The following GALNT13 variants were observed in gnomAD, a reference collection of about 807,000 sequenced individuals.
GALNT13 encodes the protein UDP-GalNAc:polypeptide N-acetylgalactosaminyltransferase 13.
GALNT13 carries 28 observed loss-of-function variants against 64.2 expected under a neutral mutation model. The observed-to-expected ratio is 0.44, with a 90% CI of 0.32 to 0.60. The LOEUF (loss-of-function observed/expected upper bound fraction) is 0.60. Among genes scored for constraint, GALNT13 ranks in the 20% least tolerant of loss-of-function variants. GALNT13 has a pLI of 0.05. For synonymous variants in GALNT13, 214 were observed against 224.6 expected, an observed-to-expected ratio of 0.95 and a Z score of 0.42; for missense variants, 577 against 669.8, an observed-to-expected ratio of 0.86 and a Z score of 1.53.
chr2:154,295,205 A>G (rs1292988130), intron 8 of GALNT13, among the ~76,000 whole-genome samples: 1 of 152,182 alleles, frequency 6.6e-6, no homozygotes, highest in Non-Finnish European at 1.5e-5. Flanking sequence ...GTCTGAATTT[A>G]GTGGAGTACA....
chr2:154,217,827 A>G (rs1297116192), intron 4 of GALNT13, among the ~76,000 whole-genome samples: 2 of 152,192 alleles, frequency 1.3e-5, no homozygotes, highest in Admixed American at 1.3e-4. Context: ...ACATATTTTA[A>G]GATGTATTTT....
chr2:154,263,781 G>A (rs1361571439), intron 8 of GALNT13, among the ~76,000 whole-genome samples: 1 of 152,102 alleles, frequency 6.6e-6, no homozygotes, highest in Non-Finnish European at 1.5e-5. Flanking sequence ...ATTTTTAAAA[G>A]TATGTATCAT....
At chr2:153,360,731 G>T in the GALNT13 span, among the ~76,000 whole-genome samples, 968 of 152,092 alleles carry the variant, frequency 6.4e-3, 7 homozygotes, top group African/African-American at 0.022. Context: ...CTGAACCTGA[G>T]CCCCTAGGGG....
At chr2:154,199,526 G>A (rs937263233) in intron 4 of GALNT13, among the ~76,000 whole-genome samples, 5 of 152,048 alleles carry the variant, frequency 3.3e-5, no homozygotes, top group African/African-American at 1.2e-4. Context: ...AAAAATGGTT[G>A]TGTTAATTTT....
At chr2:154,145,540 T>G (rs1683541009) in intron 4 of GALNT13, among the ~76,000 whole-genome samples, 2 of 151,964 alleles carry the variant, frequency 1.3e-5, no homozygotes, top group Non-Finnish European at 2.9e-5. Context: ...AAGGTTATAA[T>G]GCAGCTAGCA....
the GALNT13 span, among the ~76,000 whole-genome samples, chr2:153,721,945 C>G: frequency 2.7e-4 from 40 of 149,568 alleles, no homozygotes; most frequent in Non-Finnish European, 5.8e-4. Context: ...CTCAGCTCTG[C>G]ACCAAGCGGA....
At chr2:154,144,412 T>C (rs1683446840) in intron 4 of GALNT13, among the ~76,000 whole-genome samples, 1 of 152,150 alleles carries the variant, frequency 6.6e-6, no homozygotes, top group Admixed American at 6.5e-5. Context: ...TAATTATATC[T>C]TAAAAAGATA....
chr2:153,436,694 T>G, the GALNT13 span, among the ~76,000 whole-genome samples: 2 of 152,222 alleles, frequency 1.3e-5, no homozygotes, highest in Non-Finnish European at 2.9e-5. Flanking sequence ...TCATTTTTTA[T>G]TGCGTCTATT....
At chr2:153,750,276 C>T in the GALNT13 span, among the ~76,000 whole-genome samples, 5 of 151,396 alleles carry the variant, frequency 3.3e-5, no homozygotes, top group African/African-American at 7.3e-5. Flanking sequence ...AGATATTGGC[C>T]CATAGTTTTC....
At chr2:153,522,186 T>C in the GALNT13 span, among the ~76,000 whole-genome samples, 3 of 151,966 alleles carry the variant, frequency 2.0e-5, no homozygotes, top group South Asian at 6.2e-4. Context: ...TACAAAAAAT[T>C]AGTCAGGTGT....
chr2:153,399,182 T>C, the GALNT13 span, among the ~76,000 whole-genome samples: 1 of 145,972 alleles, frequency 6.9e-6, no homozygotes, highest in South Asian at 2.3e-4. Flanking sequence ...AAATAGGGAA[T>C]CCTTTCCCCA....
chr2:153,982,382 T>A (rs1045687078), intron 3 of GALNT13, among the ~76,000 whole-genome samples: 1 of 152,124 alleles, frequency 6.6e-6, no homozygotes, highest in African/African-American at 2.4e-5. Flanking sequence ...TATAAATGTA[T>A]ACAAAGCATT....
At chr2:153,436,431 G>C in the GALNT13 span, among the ~76,000 whole-genome samples, 1 of 152,164 alleles carries the variant, frequency 6.6e-6, no homozygotes, top group African/African-American at 2.4e-5. Flanking sequence ...ACCTCTGGTA[G>C]AATTCGGCTG....
the GALNT13 span, among the ~76,000 whole-genome samples, chr2:153,176,716 TA>T: frequency 6.9e-6 from 1 of 144,782 alleles, no homozygotes; most frequent in African/African-American, 2.6e-5. Context: ...CAAAAAATGA[TA>T]AAAGATCTCA....
the GALNT13 span, among the ~76,000 whole-genome samples, chr2:153,096,486 G>A: frequency 4.6e-5 from 7 of 152,206 alleles, no homozygotes; most frequent in South Asian, 1.5e-3. Context: ...AGGTATTATC[G>A]AATTGGAGTC....
intron 3 of GALNT13, among the ~76,000 whole-genome samples, chr2:154,082,672 C>T (rs1441924701): frequency 1.3e-5 from 2 of 151,666 alleles, no homozygotes; most frequent in Admixed American, 6.6e-5. Context: ...ATGAGAAAGA[C>T]ATCTTCCTTC....
chr2:153,896,671 T>G (rs190064683), intron 1 of GALNT13, among the ~76,000 whole-genome samples: 85 of 152,180 alleles, frequency 5.6e-4, no homozygotes, highest in African/African-American at 2.0e-3. Flanking sequence ...GTGTACAGAT[T>G]ATATTGTCAC....
the GALNT13 span, among the ~76,000 whole-genome samples, chr2:153,602,060 A>G: frequency 2.0e-5 from 3 of 151,926 alleles, no homozygotes; most frequent in African/African-American, 7.2e-5. Flanking sequence ...CCGCATAAAT[A>G]GAGCAAAAAT....
At chr2:153,873,417 A>G (rs1356237172) in intron 1 of GALNT13, among the ~76,000 whole-genome samples, 2 of 152,168 alleles carry the variant, frequency 1.3e-5, no homozygotes, top group African/African-American at 2.4e-5. Context: ...TTCTTTGACT[A>G]TGGTTAGTTG....
Sources: gnomAD v4.1 joint callset for allele counts (sites outside exome capture counted in the v4.1 genomes callset) on GRCh38, gnomAD v4.1.1 for gene constraint, MANE v1.5 for transcripts, NCBI Gene and HGNC (gene_info 2026-07-23, HGNC 2026-07-21) for gene names.